CTXN2: variants seen among roughly 807,000 people sequenced by gnomAD.
CTXN2 encodes the protein cortexin-2.
In CTXN2, 3 loss-of-function variants were observed where a neutral mutation model predicts 5.7. That is an observed-to-expected ratio of 0.53 (90% CI 0.24 to 1.36). The LOEUF (loss-of-function observed/expected upper bound fraction) is 1.36. CTXN2 is among the 40% of genes most tolerant of loss of function. The pLI, the probability that CTXN2 is intolerant of heterozygous loss-of-function variation, is 0.17. For missense variants in CTXN2, 87 were observed against 93.0 expected (o/e 0.94, Z 0.26); for synonymous variants, 38 against 36.4 (o/e 1.04, Z -0.16).
chr15:48,198,334 G>A (rs566433483), intron 1 of CTXN2, among the ~76,000 whole-genome samples: 34 of 151,970 alleles, frequency 2.2e-4, no homozygotes, highest in African/African-American at 7.2e-4. Flanking sequence ...CTAGAGTTTT[G>A]TACAAAACTT....
upstream of CTXN2, chr15:48,190,159 T>C (rs2040800508): frequency 6.6e-6 from 1 of 152,220 alleles, no homozygotes; most frequent in Non-Finnish European, 1.5e-5. Context: ...TGGCATCACC[T>C]AGGAAATTGT....
At chr15:48,195,366 T>A (rs189480509) in intron 1 of CTXN2, among the ~76,000 whole-genome samples, 3 of 152,190 alleles carry the variant, frequency 2.0e-5, no homozygotes, top group East Asian at 3.9e-4. Context: ...AACCATTTCT[T>A]TCCCGTGATG....
chr15:48,195,239 T>C (rs546289961), intron 1 of CTXN2, among the ~76,000 whole-genome samples: 26 of 152,226 alleles, frequency 1.7e-4, no homozygotes, highest in African/African-American at 6.0e-4. Context: ...TGCCTCTCTC[T>C]CCTTGGGCCC....
intron 1 of CTXN2, among the ~76,000 whole-genome samples, chr15:48,183,285 AAAT>A (rs1390528573): frequency 6.6e-6 from 1 of 152,230 alleles, no homozygotes; most frequent in Non-Finnish European, 1.5e-5. Context: ...AAATGTTTTA[AAAT>A]GTGTAAATTA....
intron 1 of CTXN2, among the ~76,000 whole-genome samples, chr15:48,199,508 T>A (rs185673347): frequency 5.9e-5 from 9 of 152,346 alleles, no homozygotes; most frequent in African/African-American, 2.2e-4. Flanking sequence ...ATCATCTCCT[T>A]GGTCCAACAT....
At chr15:48,187,266 G>T (rs2040766870), upstream of CTXN2, among the ~76,000 whole-genome samples, 1 of 150,406 alleles carries the variant, frequency 6.6e-6, no homozygotes, top group Admixed American at 6.6e-5. Flanking sequence ...AAAAAAAAAG[G>T]TTGACTTTTG....
chr15:48,190,737 T>A (rs975671284), upstream of CTXN2, among the ~76,000 whole-genome samples: 1 of 152,212 alleles, frequency 6.6e-6, no homozygotes, highest in Non-Finnish European at 1.5e-5. Flanking sequence ...AGGTTCTGGA[T>A]AGAGTCGCAA....
Position 48,183,588 on chromosome 15 carries a change from G to C in CTXN2, c.-455+5188G>C, listed in dbSNP as rs80064661. 2.2e-4 allele frequency among the ~76,000 whole-genome samples: 34 copies of C among 152,206 alleles called. No homozygotes were observed. The East Asian group carries it at 6.4e-3, about 28-fold the overall frequency. ...CCTAACTGGTTTTGTCTGCTCCGAG[G>C]GTTCTCAAGCCTGGTCTCCATTTTA... On this transcript the variant is annotated intron_variant, in intron 1 of 2. Coordinates refer to the CTXN2 transcript ENST00000644354.
At chr15:48,178,520 A>C in intron 1 of CTXN2, 1 of 358,240 alleles carries the variant, frequency 2.8e-6, no homozygotes, top group Admixed American at 4.9e-5. Flanking sequence ...CCAGTCCTGA[A>C]AGCCCCCGGT....
chr15:48,184,904 T>G (rs1249665456), intron 1 of CTXN2, among the ~76,000 whole-genome samples: 1 of 152,152 alleles, frequency 6.6e-6, no homozygotes, highest in African/African-American at 2.4e-5. Flanking sequence ...GAGATATCTT[T>G]CAACAGATAT....
At chr15:48,200,772 T>C (rs1460493304) in intron 1 of CTXN2, among the ~76,000 whole-genome samples, 1 of 152,164 alleles carries the variant, frequency 6.6e-6, no homozygotes, top group African/African-American at 2.4e-5. Flanking sequence ...TATATCTGTT[T>C]AAAAGGATCA....
In CTXN2 at chr15:48,201,937, G is replaced by A. The variant is rs1163742120; in HGVS notation, c.*391G>A. 1 of 212,862 alleles carries A rather than the reference G, an allele frequency of 4.7e-6. No individual in the cohort carries two copies. The highest frequency in any genetic ancestry group is 2.3e-5 in the African/African-American group (1 of 42,844). The allele number at this position is 212,862 out of a possible 1,614,324, so 13.2% of individuals were successfully genotyped here. On this transcript the variant is annotated 3_prime_UTR_variant, in exon 2 of 2. Transcript: ENST00000417307. ...TGACTCAGACCCCTTTAGCTTTAGT[G>A]AGTCAGGTCTTAAACAGAGAATTTA...
At chr15:48,180,271 C>T (rs2040688383) in intron 1 of CTXN2, among the ~76,000 whole-genome samples, 1 of 152,058 alleles carries the variant, frequency 6.6e-6, no homozygotes, top group Non-Finnish European at 1.5e-5. Flanking sequence ...TTAATTCCTA[C>T]TGAGAGATTG....
At chr15:48,196,478 G>A (rs772378358) in intron 1 of CTXN2, among the ~76,000 whole-genome samples, 14 of 152,032 alleles carry the variant, frequency 9.2e-5, no homozygotes, top group Non-Finnish European at 1.5e-4. Context: ...CCACACTGGA[G>A]ACCCACGTCC....
chr15:48,192,388 C>G (rs918925543), intron 1 of CTXN2: 1 of 152,524 alleles, frequency 6.6e-6, no homozygotes, highest in Non-Finnish European at 1.5e-5. Context: ...ATCCTAAGGT[C>G]TGGGATCTCT....
In CTXN2 at chr15:48,203,416, G is replaced by A. The variant is rs1398539597; in HGVS notation, c.*1870G>A. 1 of 167,050 alleles carries A rather than the reference G, an allele frequency of 6.0e-6. No homozygotes were observed. Among genetic ancestry groups the A allele is most frequent in the Admixed American group, 6.5e-5 (1 of 15,280 alleles). 10.3% of individuals were successfully genotyped at this position (167,050 alleles called of 1,614,324 possible). On this transcript the variant is annotated 3_prime_UTR_variant, in exon 2 of 2. Coordinates refer to ENST00000417307, the MANE Select transcript of CTXN2 (RefSeq NM_001145668.2). ...GCCTGGTACACCTCATAGCCAGTTA[G>A]TAACTTGGCCCAAGAACAGGCCACT... is the stretch of plus-strand genomic sequence containing the variant.
Position 48,184,930 on chromosome 15 carries a change from G to A in CTXN2, c.-454-6527G>A, listed in dbSNP as rs111345894. 2.2e-4 allele frequency among the ~76,000 whole-genome samples: 34 copies of A among 152,190 alleles called. 1 individual carries two copies. Among genetic ancestry groups the A allele is most frequent in the Non-Finnish European group, 1.5e-5 (1 of 67,970 alleles). ...CAACAGATATATAGATAAATAAACT[G>A]TGGCATATCCATACAATGAAATATT... On this transcript the variant is annotated intron_variant, in intron 1 of 2. Coordinates refer to the CTXN2 transcript ENST00000644354.
intron 1 of CTXN2, among the ~76,000 whole-genome samples, chr15:48,199,229 G>A (rs1346668006): frequency 6.6e-6 from 1 of 152,268 alleles, no homozygotes; most frequent in East Asian, 1.9e-4. Context: ...TCTTCCCTGG[G>A]AAGGGCCACG....
rs527931792 is a variant in CTXN2, at chr15:48,197,901, A to G, written c.-57-3343A>G. 1.1e-4 allele frequency among the ~76,000 whole-genome samples: 17 copies of G among 152,232 alleles called. No individual in the cohort carries two copies. The South Asian group carries it at 1.7e-3, about 15-fold the overall frequency. On this transcript the variant is annotated intron_variant, in intron 1 of 1. Transcript: ENST00000417307. ...TCCAAAAGCCTTTGAAGTATCTTAC[A>G]ATACCTTCTTAGTTAAGGGTAACAG...
Sources: gnomAD v4.1 joint callset for allele counts (sites outside exome capture counted in the v4.1 genomes callset) on GRCh38, gnomAD v4.1.1 for gene constraint, MANE v1.5 for transcripts, NCBI Gene and HGNC (gene_info 2026-07-23, HGNC 2026-07-21) for gene names.